The following TIAM1 variants were observed in gnomAD, a reference collection of about 807,000 sequenced individuals.
TIAM1 encodes rho guanine nucleotide exchange factor TIAM1.
TIAM1 carries 65 observed loss-of-function variants against 163.5 expected under a neutral mutation model. That is an observed-to-expected ratio of 0.40 (90% CI 0.33 to 0.49). The LOEUF (loss-of-function observed/expected upper bound fraction) is 0.49, where lower values mean the gene tolerates loss of function less well. TIAM1 is among the 20% of genes least tolerant of loss of function. TIAM1 has a pLI of 0.77. For missense variants in TIAM1, 1,789 were observed against 2,044.7 expected (o/e 0.87, Z 2.41); for synonymous variants, 833 against 810.1 (o/e 1.03, Z -0.48).
At chr21:31,318,479 C>CCA (rs1288493438) in intron 2 of TIAM1, among the ~76,000 whole-genome samples, 1 of 152,144 alleles carries the variant, frequency 6.6e-6, no homozygotes, top group Non-Finnish European at 1.5e-5. Flanking sequence ...CAAGACATTC[C>CCA]CACAGCCTAA....
In TIAM1 at chr21:31,301,383, C is replaced by T. The variant is rs13433502; in HGVS notation, c.-188-24475G>A. Among the ~76,000 whole-genome samples, 322 of 152,294 alleles carry T rather than the reference C, an allele frequency of 2.1e-3. 3 individuals are homozygous for T. The highest frequency in any genetic ancestry group is 7.4e-3 in the African/African-American group (307 of 41,560). ...AATAACAGCCCGTAACTATGGAACACAGATGAGGGTATTAAAACAAGACAC... is the reference window on the plus strand; with the variant it reads ...AATAACAGCCCGTAACTATGGAACATAGATGAGGGTATTAAAACAAGACAC... On this transcript the variant is annotated intron_variant, in intron 2 of 27. Coordinates refer to ENST00000541036, the MANE Select transcript of TIAM1 (RefSeq NM_001353694.2).
At chr21:31,428,220 A>G (rs1206724321) in intron 2 of TIAM1, among the ~76,000 whole-genome samples, 2 of 152,120 alleles carry the variant, frequency 1.3e-5, no homozygotes, top group African/African-American at 2.4e-5. Context: ...ACACCATTGC[A>G]CTCTAGCCTG....
intron 2 of TIAM1, among the ~76,000 whole-genome samples, chr21:31,317,393 T>C (rs2147013269): frequency 6.6e-6 from 1 of 152,272 alleles, no homozygotes; most frequent in African/African-American, 2.4e-5. Flanking sequence ...GCGGAGGTTG[T>C]GGTGAGCCAA....
rs570107074 is a variant in TIAM1, at chr21:31,233,789, C to T, written c.1585-7839G>A. On this transcript the variant is annotated intron_variant, in intron 6 of 27. Transcript: ENST00000541036. ...GGATCCCTCTCACCCTCACCCACGC[C>T]GGGTTCATTCTTTGGAGAAGAAAGG... Among the ~76,000 whole-genome samples the T allele has an allele frequency of 3.3e-5, 5 of 152,276 alleles. No individual in the cohort carries two copies. The South Asian group carries it at 1.0e-3, about 32-fold the overall frequency.
chr21:31,220,169 C>G (rs1197816564), intron 8 of TIAM1, among the ~76,000 whole-genome samples: 1 of 152,180 alleles, frequency 6.6e-6, no homozygotes, highest in Non-Finnish European at 1.5e-5. Context: ...TGTTTGCTTT[C>G]TTCATACACA....
In TIAM1 at chr21:31,165,067, T is replaced by C; in HGVS notation, c.2888-2A>G. 6.2e-7 allele frequency: 1 copy of C among 1,613,732 alleles called. No individual in the cohort carries two copies. Among genetic ancestry groups the C allele is most frequent in the Non-Finnish European group, 8.5e-7 (1 of 1,180,008 alleles). Reference sequence around the variant, plus strand: ...CCTGCTCGCTGCAAAGGCTGTGCCCTGTCAGATGAAATCAGAAGAAAATGT... The same window carrying C: ...CCTGCTCGCTGCAAAGGCTGTGCCCCGTCAGATGAAATCAGAAGAAAATGT... On this transcript the variant is annotated splice_acceptor_variant, in intron 15 of 27. Transcript: ENST00000541036. LOFTEE classifies it high-confidence loss of function.
At chr21:31,250,734 G>C (rs1264119041) in intron 5 of TIAM1, among the ~76,000 whole-genome samples, 1 of 152,196 alleles carries the variant, frequency 6.6e-6, no homozygotes, top group Non-Finnish European at 1.5e-5. Flanking sequence ...CTGTGTGTTT[G>C]AGAAGTGTTT....
intron 1 of TIAM1, among the ~76,000 whole-genome samples, chr21:31,506,245 C>T (rs1027802041): frequency 7.2e-5 from 9 of 125,272 alleles, no homozygotes; most frequent in African/African-American, 1.8e-4. Flanking sequence ...TCTAAACTCA[C>T]GCACTCTCAC....
chr21:31,498,365 G>T (rs1026488307), intron 1 of TIAM1, among the ~76,000 whole-genome samples: 1 of 152,188 alleles, frequency 6.6e-6, no homozygotes, highest in African/African-American at 2.4e-5. Flanking sequence ...AGGTACTACT[G>T]TCTGCAGAAG....
In TIAM1 at chr21:31,501,445, A is replaced by C. The variant is rs572517427; in HGVS notation, c.-421-37410T>G. Among the ~76,000 whole-genome samples the C allele has an allele frequency of 9.2e-5, 14 of 152,252 alleles. No homozygotes were observed. The East Asian group carries it at 2.7e-3, about 30-fold the overall frequency. On this transcript the variant is annotated intron_variant, in intron 1 of 28. Transcript: ENST00000286827. ...TTTTCTAGGCATCTACACAACTAGG[A>C]GGAAAAAAAGTGACCTTTGGGCCTG...
chr21:31,466,972 C>CAAA (rs528948975), intron 1 of TIAM1, among the ~76,000 whole-genome samples: 8 of 88,882 alleles, frequency 9.0e-5, no homozygotes, highest in African/African-American at 2.5e-4. Context: ...TAAAATAGGC[C>CAAA]AAAAAAAAAA....
intron 2 of TIAM1, among the ~76,000 whole-genome samples, chr21:31,406,741 A>T (rs2077254112): frequency 6.6e-6 from 1 of 151,930 alleles, no homozygotes; most frequent in African/African-American, 2.4e-5. Context: ...CACAAATAAA[A>T]CTCCAACAAA....
In TIAM1 at chr21:31,152,736, G is replaced by A. The variant is rs148623159; in HGVS notation, c.3266C>T (p.Thr1089Met). 82 of 1,613,734 alleles carry A rather than the reference G, an allele frequency of 5.1e-5. 1 individual carries two copies. In the East Asian group the frequency reaches 1.3e-3, roughly 26 times the overall value. Residue 1089 changes from threonine (T) to methionine (M), a missense_variant, in exon 19 of 28, where the codon ACG becomes ATG. Physicochemically the swap from Thr to Met is moderately conservative, Grantham distance 81. Coordinates refer to ENST00000541036, the MANE Select transcript of TIAM1 (RefSeq NM_001353694.2). ...DELDVLFGNL[T>M]EMVEFQVEFL... ...TTCTACTTGAAACTCTACCATTTCC[G>A]TTAAATTTCCAAAAAGCACGTCAAG...
chr21:31,462,540 G>GA (rs2045366051), intron 2 of TIAM1, among the ~76,000 whole-genome samples: 1 of 152,094 alleles, frequency 6.6e-6, no homozygotes, highest in African/African-American at 2.4e-5. Flanking sequence ...GAAAGTAATG[G>GA]AAAAACTGCA....
Position 31,366,229 on chromosome 21 carries a change from C to T in TIAM1, c.-368-26807G>A, listed in dbSNP as rs140993820. Among the ~76,000 whole-genome samples, 715 of 152,190 alleles carry T rather than the reference C, an allele frequency of 4.7e-3. 5 individuals carry two copies. Among genetic ancestry groups the T allele is most frequent in the African/African-American group, 0.016 (679 of 41,540 alleles). Reference sequence around the variant, plus strand: ...CAGAGGTCATAGGAAGTAAACCGTACTCATAACCTTGAAGCTGGATTTCAC... The same window carrying T: ...CAGAGGTCATAGGAAGTAAACCGTATTCATAACCTTGAAGCTGGATTTCAC... On this transcript the variant is annotated intron_variant, in intron 2 of 28. Coordinates refer to the TIAM1 transcript ENST00000286827.
chr21:31,167,340 C>T (rs954041310), intron 15 of TIAM1, among the ~76,000 whole-genome samples: 7 of 152,074 alleles, frequency 4.6e-5, no homozygotes, highest in African/African-American at 1.7e-4. Flanking sequence ...ACCTCGGCCT[C>T]CCAAAGTGCT....
chr21:31,387,195 C>CTCTTTT (rs759122075), intron 2 of TIAM1, among the ~76,000 whole-genome samples: 2,340 of 75,096 alleles, frequency 0.031, 87 homozygotes, highest in Non-Finnish European at 0.037. Context: ...AGCTTATTCT[C>CTCTTTT]TTTTTTTTTT....
intron 5 of TIAM1, among the ~76,000 whole-genome samples, chr21:31,247,488 G>A (rs2146727854): frequency 6.6e-6 from 1 of 151,900 alleles, no homozygotes; most frequent in African/African-American, 2.4e-5. Context: ...TTGAACTCCT[G>A]GGCTCAAGTG....
chr21:31,307,923 A>C (rs113829908), intron 2 of TIAM1, among the ~76,000 whole-genome samples: 164 of 152,288 alleles, frequency 1.1e-3, no homozygotes, highest in African/African-American at 3.4e-3. Flanking sequence ...AGCCAAGTTA[A>C]TTCAATCAGA....
Sources: allele counts gnomAD v4.1 joint callset (sites outside exome capture counted in the v4.1 genomes callset), GRCh38; gene constraint gnomAD v4.1.1; transcripts MANE v1.5; gene names NCBI Gene and HGNC (gene_info 2026-07-23, HGNC 2026-07-21).